Variants in COPE observed in about 807,000 individuals in gnomAD.
The protein encoded by COPE is coat protein complex I subunit epsilon.
COPE carries 19 observed loss-of-function variants against 42.1 expected under a neutral mutation model. The ratio of observed to expected loss-of-function variants is 0.45; its 90% confidence interval spans 0.31 to 0.66. The LOEUF is 0.66. Ranked by LOEUF, COPE falls within the 30% of genes least tolerant of loss-of-function variation. COPE has a pLI of 0.05. For synonymous variants in COPE, 195 were observed against 181.3 expected, an observed-to-expected ratio of 1.08 and a Z score of -0.60; for missense variants, 402 against 416.1, an observed-to-expected ratio of 0.97 and a Z score of 0.30.
rs781700062 is a variant in COPE, at chr19:18,903,346, G to A, written c.657C>T (p.Leu219=). Residue 219 remains leucine (L), a synonymous_variant, in exon 7 of 10, where the codon CTC becomes CTT. Transcript: ENST00000262812. Reference sequence around the variant, plus strand: ...CCATGTGGCAGGCCGCCTGCCCATTGAGCAGCAGCAGGGTGGGCGAGCACT... The same window carrying A: ...CCATGTGGCAGGCCGCCTGCCCATTAAGCAGCAGCAGGGTGGGCGAGCACT... The part of the protein sequence containing the change: ...ADKCSPTLLL[L]NGQAACHMAQ... The A allele has an allele frequency of 6.8e-6, 11 of 1,612,626 alleles. No homozygotes were observed. The highest frequency in any genetic ancestry group is 5.5e-5 in the South Asian group (5 of 90,918).
rs541607571 is a variant in COPE at position 18,899,984 on chromosome 19, G to A, written c.805-37C>T. ...GCAGGGAGGCAGGTGAGCCGAACAC[G>A]GGGACCCCACGGTGGCTCTGACCTG... On this transcript the variant is annotated intron_variant, in intron 8 of 9. Transcript: ENST00000262812. 2.8e-5 allele frequency: 45 copies of A among 1,590,736 alleles called. No individual in the cohort carries two copies. In the South Asian group the frequency reaches 3.8e-4, roughly 14 times the overall value.
intron 1 of COPE, among the ~76,000 whole-genome samples, chr19:18,917,529 G>A (rs1034116238): frequency 1.3e-5 from 2 of 151,772 alleles, no homozygotes; most frequent in Non-Finnish European, 2.9e-5. Flanking sequence ...CACCATGCCC[G>A]GCTAATTTTT....
intron 1 of COPE, among the ~76,000 whole-genome samples, chr19:18,915,312 CT>C (rs1411129954): frequency 6.6e-6 from 1 of 152,234 alleles, no homozygotes. Flanking sequence ...TCAGCCGCCC[CT>C]GTGTGAAATG....
chr19:18,899,688 G>C lies in COPE; in HGVS notation c.918C>G (p.Pro306=). 1 of 1,613,578 alleles carries C rather than the reference G, an allele frequency of 6.2e-7. No homozygotes were observed. Among genetic ancestry groups the C allele is most frequent in the South Asian group, 1.1e-5 (1 of 91,086 alleles). The change falls in exon 10 of 10, where the codon CCC becomes CCG. Residue 306 remains proline (P), a synonymous_variant. Coordinates refer to ENST00000262812, the MANE Select transcript of COPE (RefSeq NM_007263.4). ...DFDRLVLQYA[P]SA Reference sequence around the variant, plus strand: ...CAGCTCTGGGCCAGCCTCAGGCGCTGGGAGCGTACTGTAGCACCAGCCTGT... The same window carrying C: ...CAGCTCTGGGCCAGCCTCAGGCGCTCGGAGCGTACTGTAGCACCAGCCTGT...
At position 18,919,360 on chromosome 19, in the gene COPE, C is replaced by G. The variant is rs937122778; in HGVS notation, c.-12G>C. ...GCCGGAGGCGCCATTTCGCTGTCTT[C>G]TCACCAGCTCCTCTTCCTGAAAGAC... On this transcript the variant is annotated 5_prime_UTR_variant, in exon 1 of 10. Coordinates refer to ENST00000262812, the MANE Select transcript of COPE (RefSeq NM_007263.4). 2.5e-6 allele frequency: 4 copies of G among 1,611,906 alleles called. No homozygotes were observed. In the African/African-American group the frequency reaches 5.3e-5, roughly 22 times the overall value.
intron 3 of COPE, 109 bp from the exon 4 acceptor site, chr19:18,907,221 G>A: frequency 8.2e-7 from 1 of 1,225,366 alleles, no homozygotes; most frequent in Non-Finnish European, 1.1e-6. Flanking sequence ...GCCAGGCCCT[G>A]GGGGTGCAGA....
intron 4 of COPE, among the ~76,000 whole-genome samples, chr19:18,906,427 A>G (rs1173789773): frequency 6.6e-6 from 1 of 152,252 alleles, no homozygotes; most frequent in Non-Finnish European, 1.5e-5. Context: ...TGAAATGCCC[A>G]GCTTGCAACT....
At chr19:18,901,499 G>A (rs912326691) in intron 7 of COPE, among the ~76,000 whole-genome samples, 2 of 152,230 alleles carry the variant, frequency 1.3e-5, no homozygotes, top group Non-Finnish European at 2.9e-5. Flanking sequence ...CTCAGGAGGA[G>A]CAGTACCCGG....
At chr19:18,902,281 C>T (rs904390083) in intron 7 of COPE, among the ~76,000 whole-genome samples, 16 of 150,504 alleles carry the variant, frequency 1.1e-4, no homozygotes, top group South Asian at 4.2e-4. Context: ...GCCAGGAGTT[C>T]GAGACCAACC....
At chr19:18,919,125 A>T (rs2231985) in intron 1 of COPE, 98 bp downstream of exon 1, 75,137 of 1,376,858 alleles carry the variant, frequency 0.055, 2,777 homozygotes, top group Admixed American at 0.07. Context: ...ACGCGAGAAG[A>T]AAAGAGAAAG....
Position 18,906,966 on chromosome 19 carries a change from A to C in COPE, c.437T>G (p.Leu146Arg). 6.4e-7 allele frequency: 1 copy of C among 1,559,290 alleles called. No homozygotes were observed. The highest frequency in any genetic ancestry group is 1.2e-5 in the South Asian group (1 of 84,870). Residue 146 changes from leucine to arginine, a missense_variant, in exon 4 of 10, where the codon CTG (leucine) becomes CGG (arginine). Physicochemically the swap from Leu to Arg is moderately radical, Grantham distance 102. Transcript: ENST00000262812. ...ALRALHQGDSLECTAMTVQIL... is the reference protein window; with the variant it reads ...ALRALHQGDSRECTAMTVQIL... ...GAGCAGGGAGGCCACTCACCACTCC[A>C]GGCTGTCCCCCTGGTGCAGCGCACG...
intron 1 of COPE, among the ~76,000 whole-genome samples, chr19:18,913,401 T>C (rs1247248197): frequency 1.3e-5 from 2 of 152,236 alleles, no homozygotes; most frequent in African/African-American, 4.8e-5. Flanking sequence ...TCAAGACATT[T>C]TGAGCTCAGT....
intron 4 of COPE, among the ~76,000 whole-genome samples, chr19:18,906,387 G>A (rs1218986031): frequency 1.3e-5 from 2 of 152,260 alleles, no homozygotes; most frequent in African/African-American, 4.8e-5. Context: ...TGTGGATGGA[G>A]GTGGGATGGG....
At chr19:18,905,196 G>C (rs10417755) in intron 5 of COPE, among the ~76,000 whole-genome samples, 3 of 152,054 alleles carry the variant, frequency 2.0e-5, no homozygotes, top group African/African-American at 7.2e-5. Flanking sequence ...GGCAGCAGGG[G>C]AGTCCTGGAC....
chr19:18,905,593 G>A lies in COPE; in HGVS notation c.480C>T (p.Asp160=), dbSNP rs1169741348. 2 of 1,593,180 alleles carry A rather than the reference G, an allele frequency of 1.3e-6. No homozygotes were observed. Among genetic ancestry groups the A allele is most frequent in the Non-Finnish European group, 1.7e-6 (2 of 1,177,514 alleles). The change falls in exon 5 of 10, where the codon GAC becomes GAT. Residue 160 remains aspartate (D), a synonymous_variant. Transcript: ENST00000262812. ...AMTVQILLKL[D]RLDLARKELK... is the part of the protein sequence containing the mutation. Reference sequence around the variant, plus strand: ...GGGCTCACCGGGCGAGGTCCAGGCGGTCCAGCTTCAGCAGGATCTGCACTG... The same window carrying A: ...GGGCTCACCGGGCGAGGTCCAGGCGATCCAGCTTCAGCAGGATCTGCACTG...
intron 3 of COPE, among the ~76,000 whole-genome samples, chr19:18,909,485 T>C (rs578051983): frequency 2.0e-5 from 3 of 151,420 alleles, no homozygotes; most frequent in Admixed American, 1.3e-4. Flanking sequence ...CTCCAGTCTG[T>C]TGTCACATGG....
At chr19:18,908,548 G>A (rs868493929) in intron 3 of COPE, among the ~76,000 whole-genome samples, 8 of 146,424 alleles carry the variant, frequency 5.5e-5, no homozygotes, top group African/African-American at 1.8e-4. Flanking sequence ...ACGGAGTCTC[G>A]CACTTTCGCC....
intron 3 of COPE, among the ~76,000 whole-genome samples, chr19:18,909,299 C>T (rs2056789442): frequency 6.6e-6 from 1 of 152,222 alleles, no homozygotes; most frequent in East Asian, 1.9e-4. Context: ...ACAGCCCGGG[C>T]AGTTAAGGAC....
At chr19:18,903,531 T>C in intron 6 of COPE, 108 bp from the exon 7 acceptor site, 2 of 1,308,460 alleles carry the variant, frequency 1.5e-6, no homozygotes, top group Non-Finnish European at 2.0e-6. Flanking sequence ...GAGACGAATC[T>C]GGTGTGCCCG....
Sources: allele counts gnomAD v4.1 joint callset (sites outside exome capture counted in the v4.1 genomes callset), GRCh38; gene constraint gnomAD v4.1.1; transcripts MANE v1.5; gene names NCBI Gene and HGNC (gene_info 2026-07-23, HGNC 2026-07-21).